NEK5: variants seen among roughly 807,000 people sequenced by gnomAD.
NEK5 encodes NIMA related kinase 5.
NEK5 carries 88 observed loss-of-function variants against 109.2 expected under a neutral mutation model. The observed-to-expected ratio is 0.81, with a 90% CI of 0.68 to 0.96. The LOEUF is 0.96. Among genes scored for constraint, NEK5 ranks in the 40% least tolerant of loss-of-function variants. The probability of loss-of-function intolerance (pLI) is 0.00; values close to 1 mark genes in which losing one functional copy is unlikely to be tolerated. For synonymous variants in NEK5, 283 were observed against 299.9 expected (o/e 0.94, Z 0.58); for missense variants, 834 against 920.7 (o/e 0.91, Z 1.22).
chr13:52,089,484 T>G (rs1371005128), intron 13 of NEK5, among the ~76,000 whole-genome samples, 171 bp from the exon 14 acceptor site: 1 of 152,060 alleles, frequency 6.6e-6, no homozygotes, highest in Non-Finnish European at 1.5e-5. Context: ...AAAAGAAAAT[T>G]TTGGAATCAA....
chr13:52,094,749 G>A (rs1383786440), intron 12 of NEK5, among the ~76,000 whole-genome samples: 1 of 152,164 alleles, frequency 6.6e-6, no homozygotes, highest in Non-Finnish European at 1.5e-5. Flanking sequence ...ACTCCAGCCT[G>A]GGTGACAGAG....
At chr13:52,124,382 T>C (rs1158240900) in intron 3 of NEK5, among the ~76,000 whole-genome samples, 1 of 152,224 alleles carries the variant, frequency 6.6e-6, no homozygotes, top group African/African-American at 2.4e-5. Context: ...GGTATACATA[T>C]ATATGGAGAA....
At chr13:52,068,421 G>A (rs140962467) in intron 20 of NEK5, among the ~76,000 whole-genome samples, 39 of 150,924 alleles carry the variant, frequency 2.6e-4, no homozygotes, top group East Asian at 1.2e-3. Context: ...TCTATATGCC[G>A]CACAATTCTC....
rs1047284069 is a variant in NEK5 at position 52,102,440 on chromosome 13, C to A, written c.610-148G>T. 47 of 676,850 alleles carry A rather than the reference C, an allele frequency of 6.9e-5. No individual in the cohort carries two copies. In the East Asian group the frequency reaches 9.2e-4, roughly 13 times the overall value. 41.9% of individuals were successfully genotyped at this position (676,850 alleles called of 1,614,324 possible). On this transcript the variant is annotated intron_variant, in intron 9 of 23. Coordinates refer to ENST00000684899, the MANE Select transcript of NEK5 (RefSeq NM_001365552.1). The stretch of plus-strand genomic sequence containing the variant: ...GCACTAGGGTCACCTGTAATCCCAG[C>A]AATTTGGGAGGCCAAGGCAGGAGGA...
At chr13:52,090,606 G>T (rs1955259126) in intron 13 of NEK5, among the ~76,000 whole-genome samples, 1 of 152,148 alleles carries the variant, frequency 6.6e-6, no homozygotes. Flanking sequence ...TGTCTCATAA[G>T]CCTAACTGGC....
At chr13:52,101,154 T>A (rs376074956) in intron 11 of NEK5, among the ~76,000 whole-genome samples, 1 of 152,158 alleles carries the variant, frequency 6.6e-6, no homozygotes, top group Non-Finnish European at 1.5e-5. Flanking sequence ...ATCCCAGCAC[T>A]TTGGGAGGCA....
At chr13:52,046,031 A>G (rs1417763599) in intron 23 of NEK5, among the ~76,000 whole-genome samples, 1 of 148,914 alleles carries the variant, frequency 6.7e-6, no homozygotes, top group Non-Finnish European at 1.5e-5. Flanking sequence ...AGATCATGCC[A>G]CTACACTCCA....
Position 52,108,346 on chromosome 13 carries a change from A to C in NEK5, c.526T>G (p.Cys176Gly). 6.2e-7 allele frequency: 1 copy of C among 1,611,656 alleles called. No homozygotes were observed. Among genetic ancestry groups the C allele is most frequent in the Non-Finnish European group, 8.5e-7 (1 of 1,178,244 alleles). Reference sequence around the variant, plus strand: ...TTATTGTTGTAGGGTTTATTCTGACAGATCTCTGGGGACAGGTAGTAAGGT... The same window carrying C: ...TTATTGTTGTAGGGTTTATTCTGACCGATCTCTGGGGACAGGTAGTAAGGT... The part of the protein sequence containing the change: ...GTPYYLSPEI[C>G]QNKPYNNKTD... The change falls in exon 8 of 24, where the codon TGT becomes GGT. Residue 176 changes from cysteine to glycine, a missense_variant. Transcript: ENST00000684899.
intron 8 of NEK5, among the ~76,000 whole-genome samples, chr13:52,107,139 G>A (rs1197822571): frequency 1.3e-5 from 2 of 152,142 alleles, no homozygotes; most frequent in Non-Finnish European, 2.9e-5. Flanking sequence ...TAAATGAAGA[G>A]AAATGGCTTT....
At chr13:52,063,125 T>C (rs371411257) in intron 21 of NEK5, among the ~76,000 whole-genome samples, 1 of 152,184 alleles carries the variant, frequency 6.6e-6, no homozygotes, top group East Asian at 1.9e-4. Flanking sequence ...GATGCCGAGC[T>C]GAAGCTGGAC....
chr13:52,101,317 A>G (rs1017204861), intron 11 of NEK5, among the ~76,000 whole-genome samples: 4 of 152,034 alleles, frequency 2.6e-5, no homozygotes, highest in Admixed American at 6.6e-5. Context: ...GGAGAATGGC[A>G]TGAACCCGGG....
intron 17 of NEK5, among the ~76,000 whole-genome samples, chr13:52,080,371 A>G (rs1349306739): frequency 6.7e-6 from 1 of 149,972 alleles, no homozygotes; most frequent in Non-Finnish European, 1.5e-5. Flanking sequence ...CTGCCCGGCC[A>G]CCACCCCGTC....
chr13:52,058,684 C>G (rs1315422837), intron 22 of NEK5, among the ~76,000 whole-genome samples: 16 of 151,724 alleles, frequency 1.1e-4, no homozygotes, highest in African/African-American at 3.1e-4. Context: ...ACAAACCTGA[C>G]AAAAACAAGC....
chr13:52,063,079 G>A lies in NEK5; in HGVS notation c.1976-1126C>T, dbSNP rs186096844. 7.2e-4 allele frequency among the ~76,000 whole-genome samples: 106 copies of A among 146,776 alleles called. No homozygotes were observed. In the East Asian group the frequency reaches 0.016, roughly 22 times the overall value. ...CTCCCCACGGTCCCCCTCTCCCCACGGTCTCCCTCTCCCTCTCTTTCCACG... is the reference window on the plus strand; with the variant it reads ...CTCCCCACGGTCCCCCTCTCCCCACAGTCTCCCTCTCCCTCTCTTTCCACG... On this transcript the variant is annotated intron_variant, in intron 21 of 23. Transcript: ENST00000684899.
At chr13:52,054,471 C>T (rs541491802) in intron 22 of NEK5, among the ~76,000 whole-genome samples, 2 of 152,218 alleles carry the variant, frequency 1.3e-5, no homozygotes, top group Non-Finnish European at 2.9e-5. Context: ...CAGGCATGAG[C>T]CTGGCCAGGT....
chr13:52,072,475 T>C (rs1292194889), intron 19 of NEK5, among the ~76,000 whole-genome samples: 3 of 152,328 alleles, frequency 2.0e-5, no homozygotes, highest in East Asian at 1.9e-4. Flanking sequence ...ACCACTTCTG[T>C]TTCACGCAGA....
intron 22 of NEK5, among the ~76,000 whole-genome samples, chr13:52,061,282 C>A (rs1954612303): frequency 6.6e-6 from 1 of 152,186 alleles, no homozygotes; most frequent in African/African-American, 2.4e-5. Context: ...GGAGGCAGAG[C>A]TCAGGCAGTA....
intron 16 of NEK5, among the ~76,000 whole-genome samples, chr13:52,085,612 G>C (rs1955126522): frequency 6.6e-6 from 1 of 152,226 alleles, no homozygotes; most frequent in Non-Finnish European, 1.5e-5. Context: ...CTTCTCCTAG[G>C]AGAGCATTCC....
intron 12 of NEK5, among the ~76,000 whole-genome samples, chr13:52,097,926 T>C (rs1955450833): frequency 7.9e-5 from 12 of 152,132 alleles, no homozygotes; most frequent in Non-Finnish European, 2.9e-5. Context: ...GGGACAGATT[T>C]CCCTCTTACT....
Sources: gnomAD v4.1 joint callset for allele counts (sites outside exome capture counted in the v4.1 genomes callset) on GRCh38, gnomAD v4.1.1 for gene constraint, MANE v1.5 for transcripts, NCBI Gene and HGNC (gene_info 2026-07-23, HGNC 2026-07-21) for gene names.